The following CYP27A1 variants were observed in gnomAD, a reference collection of about 807,000 sequenced individuals.
CYP27A1 encodes the protein cytochrome P450 family 27 subfamily A member 1.
CYP27A1 carries 46 observed loss-of-function variants against 58.2 expected under a neutral mutation model. That is an observed-to-expected ratio of 0.79 (90% CI 0.62 to 1.01). The LOEUF is 1.01. CYP27A1 is among the 50% of genes least tolerant of loss of function. The probability of loss-of-function intolerance (pLI) is 0.00; values close to 1 mark genes in which losing one functional copy is unlikely to be tolerated. For synonymous variants in CYP27A1, 274 were observed against 285.1 expected (o/e 0.96, Z 0.39); for missense variants, 704 against 687.0 (o/e 1.02, Z -0.28).
At position 218,814,582 on chromosome 2, in the gene CYP27A1, A is replaced by C. The variant is rs1196465148; in HGVS notation, c.1301A>C (p.Asp434Ala). ...TTCTGCCACTATGTGGTGTCCCGGG[A>C]CCCCACTGCCTTCTCTGAGCCTGAA... is the stretch of plus-strand genomic sequence containing the variant. ...FVFCHYVVSR[D>A]PTAFSEPESF... The change falls in exon 8 of 9, where the codon GAC becomes GCC. Residue 434 changes from aspartate (D) to alanine (A), a missense_variant. Coordinates refer to ENST00000258415, the MANE Select transcript of CYP27A1 (RefSeq NM_000784.4). The C allele has an allele frequency of 6.2e-7, 1 of 1,613,590 alleles. No individual in the cohort carries two copies. Among genetic ancestry groups the C allele is most frequent in the Non-Finnish European group, 8.5e-7 (1 of 1,179,946 alleles).
chr2:218,809,439 GCCCTTTTTTTTT>G lies in CYP27A1; in HGVS notation c.256-137_256-126del, dbSNP rs1440895357. The stretch of plus-strand genomic sequence containing the variant: ...TCCTGGTGCCTACATCATACACAAT[GCCCTTTTTTTTT>G]TTTTTTTTTTTTTGCCCAGCTCATT... On this transcript the variant is annotated intron_variant, in intron 1 of 8. Coordinates refer to ENST00000258415, the MANE Select transcript of CYP27A1 (RefSeq NM_000784.4). 695 of 662,832 alleles carry G rather than the reference GCCCTTTTTTTTT, an allele frequency of 1.0e-3. 16 individuals are homozygous for G. The African/African-American group carries it at 0.018, about 17-fold the overall frequency. The allele number at this position is 662,832 out of a possible 1,614,324, so 41.1% of individuals were successfully genotyped here.
chr2:218,794,189 C>T (rs1943523853), intron 1 of CYP27A1, among the ~76,000 whole-genome samples: 1 of 152,166 alleles, frequency 6.6e-6, no homozygotes, highest in Non-Finnish European at 1.5e-5. Context: ...CACCCCAGTG[C>T]GCGGACCAGT....
chr2:218,783,957 C>T (rs1022062865), intron 1 of CYP27A1, among the ~76,000 whole-genome samples: 3 of 152,116 alleles, frequency 2.0e-5, no homozygotes, highest in Admixed American at 6.6e-5. Context: ...GGGGTGAAGA[C>T]GGCCTGCATG....
chr2:218,814,247 A>T (rs1943758444), intron 6 of CYP27A1, 60 bp downstream of exon 6: 4 of 1,611,038 alleles, frequency 2.5e-6, no homozygotes, highest in South Asian at 1.1e-5. Context: ...GAATCAGAGG[A>T]GGAAATCTGA....
chr2:218,803,722 CTTTT>C (rs71040407), intron 1 of CYP27A1, among the ~76,000 whole-genome samples: 14 of 57,780 alleles, frequency 2.4e-4, no homozygotes, highest in African/African-American at 5.9e-4. Context: ...GTGCCCCCGT[CTTTT>C]TTTTTTTTTT....
chr2:218,799,482 A>G (rs1575201585), intron 1 of CYP27A1, among the ~76,000 whole-genome samples: 1 of 152,074 alleles, frequency 6.6e-6, no homozygotes, highest in East Asian at 1.9e-4. Context: ...CATACCAAAG[A>G]ACTGCCTCAA....
intron 1 of CYP27A1, among the ~76,000 whole-genome samples, chr2:218,808,305 G>T (rs1943672054): frequency 1.3e-5 from 2 of 152,212 alleles, no homozygotes. Context: ...GGTGTTCCTG[G>T]GAGGTAGAAA....
At position 218,814,433 on chromosome 2, in the gene CYP27A1, T is replaced by C. The variant is rs587778783; in HGVS notation, c.1238T>C (p.Val413Ala). 1.2e-6 allele frequency: 2 copies of C among 1,614,094 alleles called. No homozygotes were observed. Among genetic ancestry groups the C allele is most frequent in the Non-Finnish European group, 1.7e-6 (2 of 1,180,042 alleles). ...NSRIIEKEIEVDGFLFPKNTQ... is the reference protein window; with the variant it reads ...NSRIIEKEIEADGFLFPKNTQ... ...CGGATCATAGAAAAGGAAATTGAAG[T>C]TGATGGCTTCCTCTTCCCCAAGAAC... is the stretch of plus-strand genomic sequence containing the variant. Residue 413 changes from valine (V) to alanine (A), a missense_variant, in exon 7 of 9, where the codon GTT becomes GCT. Val to Ala is a moderately conservative substitution (Grantham distance 64). Coordinates refer to ENST00000258415, the MANE Select transcript of CYP27A1 (RefSeq NM_000784.4).
At chr2:218,785,459 G>A (rs1943432811) in intron 1 of CYP27A1, among the ~76,000 whole-genome samples, 1 of 151,830 alleles carries the variant, frequency 6.6e-6, no homozygotes, top group African/African-American at 2.4e-5. Flanking sequence ...TCTTCTGCTT[G>A]GTTTAACCTC....
At chr2:218,785,387 G>C (rs935267192) in intron 1 of CYP27A1, among the ~76,000 whole-genome samples, 1 of 152,042 alleles carries the variant, frequency 6.6e-6, no homozygotes. Context: ...GACTAGTACT[G>C]GTCTGTGGCC....
Position 218,782,543 on chromosome 2 carries a change from C to T in CYP27A1, c.255+106C>T. ...GAAAGTGAAGGCTGCAGGAACTCAG[C>T]TGGGGACCCACTGAGGCTATGGTCA... On this transcript the variant is annotated intron_variant, in intron 1 of 8. Coordinates refer to ENST00000258415, the MANE Select transcript of CYP27A1 (RefSeq NM_000784.4). The surrounding 1 kb of genome is among the most constrained non-coding windows in gnomAD (Gnocchi z 4.1). The T allele has an allele frequency of 7.0e-7, 1 of 1,423,744 alleles. No homozygotes were observed. Among genetic ancestry groups the T allele is most frequent in the Non-Finnish European group, 9.8e-7 (1 of 1,016,972 alleles). 88.2% of individuals were successfully genotyped at this position (1,423,744 alleles called of 1,614,324 possible).
Position 218,812,580 on chromosome 2 carries a change from C to A in CYP27A1, c.675C>A (p.Arg225=), listed in dbSNP as rs759038711. ...EAICYILFEK[R]IGCLQRSIPE... The stretch of plus-strand genomic sequence containing the variant: ...TTTGCTACATCCTGTTCGAGAAACG[C>A]ATTGGCTGCCTGCAGCGATCCATCC... Residue 225 remains arginine (R), a synonymous_variant, in exon 4 of 9, where the codon CGC becomes CGA. Transcript: ENST00000258415. 6.2e-7 allele frequency: 1 copy of A among 1,614,118 alleles called. No homozygotes were observed.
intron 1 of CYP27A1, among the ~76,000 whole-genome samples, chr2:218,801,188 A>G (rs1352440639): frequency 6.6e-6 from 1 of 152,224 alleles, no homozygotes; most frequent in African/African-American, 2.4e-5. Flanking sequence ...ATAGTTTTGC[A>G]TGACAAAGGG....
chr2:218,812,346 C>T lies in CYP27A1; in HGVS notation c.571C>T (p.Gln191Ter), dbSNP rs1323697541. ...TGATGACTTTATGACTCGACTGGAC[C>T]AGCTGCGGGCAGAGAGTGCTTCGGG... The part of the protein sequence containing the change: ...VIDDFMTRLD[Q>*]LRAESASGNQ... The change falls in exon 3 of 9, where the codon CAG (glutamine) becomes TAG (stop). Residue 191 changes from glutamine (Q) to a stop codon, truncating the protein, a stop_gained. Coordinates refer to ENST00000258415, the MANE Select transcript of CYP27A1 (RefSeq NM_000784.4). LOFTEE classifies it high-confidence loss of function. The T allele has an allele frequency of 6.2e-7, 1 of 1,614,216 alleles. No homozygotes were observed. The highest frequency in any genetic ancestry group is 8.5e-7 in the Non-Finnish European group (1 of 1,180,030).
chr2:218,782,388 T>A lies in CYP27A1; in HGVS notation c.206T>A (p.Phe69Tyr). The A allele has an allele frequency of 6.2e-7, 1 of 1,614,162 alleles. No individual in the cohort carries two copies. Among genetic ancestry groups the A allele is most frequent in the South Asian group, 1.1e-5 (1 of 91,086 alleles). The change falls in exon 1 of 9, where the codon TTC becomes TAC. Residue 69 changes from phenylalanine to tyrosine, a missense_variant. By Grantham distance (22) the Phe-to-Tyr change is conservative. Coordinates refer to ENST00000258415, the MANE Select transcript of CYP27A1 (RefSeq NM_000784.4). This position sits in a 1 kb window ranked among gnomAD's most constrained non-coding sequence, Gnocchi z 4.1. The stretch of plus-strand genomic sequence containing the variant: ...CCACGTCTAGGACAGCTGCGCTTCT[T>A]CTTTCAGCTGTTCGTTCAAGGCTAT... ...EIPRLGQLRF[F>Y]FQLFVQGYAL...
intron 1 of CYP27A1, among the ~76,000 whole-genome samples, chr2:218,791,776 G>A (rs1336027461): frequency 3.3e-5 from 5 of 152,132 alleles, no homozygotes; most frequent in Non-Finnish European, 7.4e-5. Context: ...AGATTGTGAA[G>A]GGCTTCATGT....
chr2:218,782,214 G>A lies in CYP27A1; in HGVS notation c.32G>A (p.Trp11Ter), dbSNP rs1398584213. ...GCGCTGGGCTGCGCGAGGCTGAGGT[G>A]GGCGCTGCGAGGGGCCGGCCGTGGC... MAALGCARLRWALRGAGRGLC... is the reference protein window; with the variant it reads MAALGCARLR Residue 11 changes from tryptophan (W) to a stop codon, truncating the protein, a stop_gained, in exon 1 of 9, where the codon TGG becomes TAG. Coordinates refer to ENST00000258415, the MANE Select transcript of CYP27A1 (RefSeq NM_000784.4). LOFTEE classifies it high-confidence loss of function. This position sits in a 1 kb window ranked among gnomAD's most constrained non-coding sequence, Gnocchi z 4.1. 9 of 1,539,832 alleles carry A rather than the reference G, an allele frequency of 5.8e-6. No homozygotes were observed. Among genetic ancestry groups the A allele is most frequent in the Non-Finnish European group, 7.0e-6 (8 of 1,145,986 alleles).
intron 1 of CYP27A1, among the ~76,000 whole-genome samples, chr2:218,804,307 C>G (rs904645531): frequency 1.4e-4 from 21 of 152,140 alleles, no homozygotes; most frequent in African/African-American, 5.1e-4. Flanking sequence ...GACTTTCTTT[C>G]CCCATTGAAT....
At position 218,782,181 on chromosome 2, in the gene CYP27A1, C is replaced by T; in HGVS notation, c.-2C>T. 6.5e-7 allele frequency: 1 copy of T among 1,536,278 alleles called. No individual in the cohort carries two copies. The highest frequency in any genetic ancestry group is 8.7e-7 in the Non-Finnish European group (1 of 1,146,094). On this transcript the variant is annotated 5_prime_UTR_variant, in exon 1 of 9. Coordinates refer to ENST00000258415, the MANE Select transcript of CYP27A1 (RefSeq NM_000784.4). This position sits in a 1 kb window ranked among gnomAD's most constrained non-coding sequence, Gnocchi z 4.1. ...AAAGGTGCAGGCGCGCGAGCACAACCCATGGCTGCGCTGGGCTGCGCGAGG... is the reference window on the plus strand; with the variant it reads ...AAAGGTGCAGGCGCGCGAGCACAACTCATGGCTGCGCTGGGCTGCGCGAGG...
Sources: allele counts gnomAD v4.1 joint callset (sites outside exome capture counted in the v4.1 genomes callset), GRCh38; gene constraint gnomAD v4.1.1; non-coding constraint Gnocchi (gnomAD v3.1); transcripts MANE v1.5; gene names NCBI Gene and HGNC (gene_info 2026-07-23, HGNC 2026-07-21).